The following LCOR variants were observed in gnomAD, a reference collection of about 807,000 sequenced individuals.
LCOR encodes the protein ligand dependent nuclear receptor corepressor.
A neutral mutation model predicts 64.4 loss-of-function variants in LCOR; 14 were observed. The observed-to-expected ratio is 0.22, with a 90% CI of 0.14 to 0.34. LCOR has a LOEUF of 0.34. Among genes scored for constraint, LCOR ranks in the 10% least tolerant of loss-of-function variants. LCOR has a pLI of 1.00. For synonymous variants in LCOR, 643 were observed against 642.5 expected (o/e 1.00, Z -0.01); for missense variants, 1,686 against 1,765.3 (o/e 0.96, Z 0.80).
intron 2 of LCOR, among the ~76,000 whole-genome samples, chr10:96,885,899 T>C (rs1337708560): frequency 6.6e-6 from 1 of 152,056 alleles, no homozygotes; most frequent in Non-Finnish European, 1.5e-5. Flanking sequence ...ATTTTAAAGA[T>C]TGTGTTTGTT....
intron 2 of LCOR, 108 bp from the exon 3 acceptor site, chr10:96,907,157 G>T (rs1846743635): frequency 4.2e-6 from 1 of 236,760 alleles, no homozygotes; most frequent in South Asian, 1.5e-4. Flanking sequence ...AGTAATCCAG[G>T]ATCCTTGAGA....
chr10:96,984,125 C>G lies in LCOR; in HGVS notation c.3665C>G (p.Pro1222Arg). ...AAGCATCCTCTTCAGAAATACGCTCCTTCCAGCCTATATCCCAGTTCACTA... is the reference window on the plus strand; with the variant it reads ...AAGCATCCTCTTCAGAAATACGCTCGTTCCAGCCTATATCCCAGTTCACTA... Reference protein sequence around the residue: ...PVKHPLQKYAPSSLYPSSLQA... With the variant: ...PVKHPLQKYARSSLYPSSLQA... The change falls in exon 8 of 8, where the codon CCT (proline) becomes CGT (arginine). Residue 1222 changes from proline to arginine, a missense_variant. This residue lies in a region of LCOR where 1,293 missense variants were observed against 1,410.4 expected (regional missense o/e 0.92). Transcript: ENST00000421806. The G allele has an allele frequency of 6.2e-7, 1 of 1,614,162 alleles. No individual in the cohort carries two copies. The highest frequency in any genetic ancestry group is 1.1e-5 in the South Asian group (1 of 91,082).
intron 2 of LCOR, among the ~76,000 whole-genome samples, chr10:96,883,862 T>G (rs938021833): frequency 6.6e-6 from 1 of 152,210 alleles, no homozygotes; most frequent in Non-Finnish European, 1.5e-5. Flanking sequence ...TGTACATATT[T>G]GTGGTGTCCA....
Position 96,985,188 on chromosome 10 carries a change from T to C in LCOR, c.*54T>C. 2 of 1,504,216 alleles carry C rather than the reference T, an allele frequency of 1.3e-6. No homozygotes were observed. The highest frequency in any genetic ancestry group is 8.9e-7 in the Non-Finnish European group (1 of 1,129,688). 93.2% of individuals were successfully genotyped at this position (1,504,216 alleles called of 1,614,324 possible). ...TGTTCTATAGAAGTAACCTTTTATT[T>C]TGCATTAACTAAATCTGCTTTTATA... On this transcript the variant is annotated 3_prime_UTR_variant, in exon 8 of 8. Coordinates refer to ENST00000421806, the MANE Select transcript of LCOR (RefSeq NM_001346516.2).
chr10:96,871,143 A>G (rs540507233), intron 2 of LCOR, among the ~76,000 whole-genome samples: 1 of 151,744 alleles, frequency 6.6e-6, no homozygotes, highest in South Asian at 2.1e-4. Flanking sequence ...TGCAGCCTTG[A>G]ACTCTCAGGC....
Position 96,869,935 on chromosome 10 carries a change from G to A in LCOR, c.-330+36456G>A, listed in dbSNP as rs185526875. On this transcript the variant is annotated intron_variant, in intron 2 of 7. Coordinates refer to ENST00000421806, the MANE Select transcript of LCOR (RefSeq NM_001346516.2). The stretch of plus-strand genomic sequence containing the variant: ...ACTGAACTGTAAGCTTCATGAGGAT[G>A]TATAGACTTACCTGTGGTGCTTATC... 8.5e-5 allele frequency among the ~76,000 whole-genome samples: 13 copies of A among 152,280 alleles called. No homozygotes were observed. In the East Asian group the frequency reaches 2.5e-3, roughly 29 times the overall value.
intron 2 of LCOR, among the ~76,000 whole-genome samples, chr10:96,858,148 C>T (rs933931820): frequency 1.3e-5 from 2 of 152,168 alleles, no homozygotes; most frequent in Non-Finnish European, 2.9e-5. Flanking sequence ...TTGAGAACCA[C>T]TGTATTAGAA....
At chr10:96,841,462 G>A (rs886260404) in intron 2 of LCOR, among the ~76,000 whole-genome samples, 2 of 150,786 alleles carry the variant, frequency 1.3e-5, no homozygotes, top group Non-Finnish European at 1.5e-5. Context: ...CCAGGCTGAA[G>A]CAATTATCTT....
At position 96,985,977 on chromosome 10, in the gene LCOR, AT is replaced by A. The variant is rs796429686; in HGVS notation, c.*853del. ...CTACTTCGGGAGGAAAAAGCCTAGG[AT>A]TTTTTTTTTCCATCTTGTAGCTGTA... On this transcript the variant is annotated 3_prime_UTR_variant, in exon 8 of 8. Transcript: ENST00000421806. 6 of 164,546 alleles carry A rather than the reference AT, an allele frequency of 3.6e-5. No individual in the cohort carries two copies. The allele number at this position is 164,546 out of a possible 1,614,324, so 10.2% of individuals were successfully genotyped here. A position where few individuals can be genotyped will look rare whatever the true frequency, so the allele number is the denominator to read the frequency against.
chr10:96,838,299 T>G (rs1339445009), intron 2 of LCOR, among the ~76,000 whole-genome samples: 1 of 152,190 alleles, frequency 6.6e-6, no homozygotes, highest in African/African-American at 2.4e-5. Context: ...ATTTTTATTT[T>G]TTCTCAGCAG....
chr10:96,833,304 C>A, intron 1 of LCOR, 102 bp from the exon 2 acceptor site: 1 of 954,010 alleles, frequency 1.0e-6, no homozygotes, highest in Non-Finnish European at 1.2e-6. Context: ...TGGCTTTTTC[C>A]CTGCGGGCCG....
chr10:96,889,834 A>G (rs936325502), intron 2 of LCOR, among the ~76,000 whole-genome samples: 1 of 152,164 alleles, frequency 6.6e-6, no homozygotes, highest in Non-Finnish European at 1.5e-5. Context: ...TCAGGTTATT[A>G]TGAATAATGC....
intron 2 of LCOR, among the ~76,000 whole-genome samples, chr10:96,891,745 T>C (rs762408409): frequency 3.3e-5 from 5 of 151,918 alleles, no homozygotes; most frequent in Admixed American, 1.3e-4. Context: ...GTTTTTACCA[T>C]GTTGGCCAGG....
intron 4 of LCOR, among the ~76,000 whole-genome samples, chr10:96,938,701 T>TA (rs928253563): frequency 2.7e-4 from 41 of 150,770 alleles, no homozygotes; most frequent in South Asian, 4.2e-4. Flanking sequence ...TACCCGTCAT[T>TA]AAAAAAAAAT....
At chr10:96,918,988 C>T (rs1330184465) in intron 4 of LCOR, among the ~76,000 whole-genome samples, 2 of 152,192 alleles carry the variant, frequency 1.3e-5, no homozygotes, top group Non-Finnish European at 2.9e-5. Flanking sequence ...TTATCTCTAG[C>T]AGTGCGTTAA....
At position 96,888,363 on chromosome 10, in the gene LCOR, C is replaced by CAAAAAAAAAAAAAAAAAAAAAAAAAAA. The variant is rs61076542; in HGVS notation, c.-329-18900_-329-18874dup. 2.0e-4 allele frequency among the ~76,000 whole-genome samples: 6 copies of CAAAAAAAAAAAAAAAAAAAAAAAAAAA among 30,542 alleles called. 1 individual carries two copies. The highest frequency in any genetic ancestry group is 5.7e-4 in the Admixed American group (1 of 1,758). 20.0% of individuals were successfully genotyped at this position (30,542 alleles called of 152,430 possible). ...TGGGTGACAGAGCAAGACTCCGTCT[C>CAAAAAAAAAAAAAAAAAAAAAAAAAAA]AAAAAAAAAAAAAAAAAAAAAAAAA... On this transcript the variant is annotated intron_variant, in intron 2 of 7. Transcript: ENST00000421806.
At chr10:96,926,553 T>C (rs1847170772) in intron 4 of LCOR, among the ~76,000 whole-genome samples, 1 of 152,158 alleles carries the variant, frequency 6.6e-6, no homozygotes, top group Non-Finnish European at 1.5e-5. Context: ...TTTAATGATA[T>C]TTAGGCACTG....
intron 2 of LCOR, among the ~76,000 whole-genome samples, chr10:96,889,427 G>A (rs910904558): frequency 6.6e-6 from 1 of 152,210 alleles, no homozygotes; most frequent in African/African-American, 2.4e-5. Flanking sequence ...AGGTCCGGCA[G>A]TGTTGGTTTC....
intron 7 of LCOR, among the ~76,000 whole-genome samples, chr10:96,967,713 GAAA>G (rs753168603): frequency 6.6e-6 from 1 of 151,714 alleles, no homozygotes; most frequent in Non-Finnish European, 1.5e-5. Flanking sequence ...TTTTCTAAAG[GAAA>G]AAAAAGATCT....
Sources: allele counts gnomAD v4.1 joint callset (sites outside exome capture counted in the v4.1 genomes callset), GRCh38; gene constraint gnomAD v4.1.1; regional missense constraint gnomAD v4.1.1; transcripts MANE v1.5; gene names NCBI Gene and HGNC (gene_info 2026-07-23, HGNC 2026-07-21).